MBP: variants seen among roughly 807,000 people sequenced by gnomAD.
MBP encodes Golli-MBP.
Under a neutral mutation model 35.8 loss-of-function variants are expected in MBP, and 16 were observed. The ratio of observed to expected loss-of-function variants is 0.45; its 90% CI spans 0.30 to 0.68. MBP has a LOEUF of 0.68. Ranked by LOEUF, MBP falls within the 30% of genes least tolerant of loss-of-function variation. MBP has a pLI of 0.08. For missense variants in MBP, 380 were observed against 404.7 expected (o/e 0.94, Z 0.52); for synonymous variants, 143 against 159.6 (o/e 0.90, Z 0.78).
Position 76,980,480 on chromosome 18 carries a change from G to A in MBP, c.871-9C>T, listed in dbSNP as rs371262081. 3.7e-6 allele frequency: 6 copies of A among 1,613,112 alleles called. No individual in the cohort carries two copies. In the African/African-American group the frequency reaches 6.7e-5, roughly 18 times the overall value. On this transcript the variant is annotated splice_polypyrimidine_tract_variant and intron_variant, in intron 8 of 8. Coordinates refer to ENST00000355994, the MANE Select transcript of MBP (RefSeq NM_001025101.2). ...CGACTATCTCTTCCTCCCTGAAAAG[G>A]AAGAGAGAGGAGTTAGGACGAGAGT...
At chr18:77,115,869 C>T (rs1445543199) in intron 1 of MBP, 1 of 152,188 alleles carries the variant, frequency 6.6e-6, no homozygotes, top group Non-Finnish European at 1.5e-5. Context: ...TTTCCAGAGC[C>T]TTCCAGGTTC....
rs968455309 is a variant in MBP at position 77,131,710 on chromosome 18, G to C, written c.-26+870C>G. On this transcript the variant is annotated intron_variant, in intron 1 of 8. Coordinates refer to ENST00000355994, the MANE Select transcript of MBP (RefSeq NM_001025101.2). This position sits in a 1 kb window ranked among gnomAD's most constrained non-coding sequence, Gnocchi z 5.5. ...CACAAGGCGCTGCCCCCAGCACCCCGGAAAATCTAGTGTGGCGGCAAATGA... is the reference window on the plus strand; with the variant it reads ...CACAAGGCGCTGCCCCCAGCACCCCCGAAAATCTAGTGTGGCGGCAAATGA... 6.6e-6 allele frequency: 1 copy of C among 151,874 alleles called. No homozygotes were observed. The highest frequency in any genetic ancestry group is 1.9e-4 in the East Asian group (1 of 5,172). The allele number at this position is 151,874 out of a possible 1,614,324, so 9.4% of individuals were successfully genotyped here.
intron 3 of MBP, among the ~76,000 whole-genome samples, chr18:77,039,294 G>T (rs1972891522): frequency 6.6e-6 from 1 of 152,130 alleles, no homozygotes; most frequent in Admixed American, 6.5e-5. Context: ...AACAGGCAGG[G>T]GTGACTAGTT....
chr18:77,009,698 C>T (rs1971219351), intron 4 of MBP: 6 of 677,988 alleles, frequency 8.8e-6, no homozygotes, highest in Non-Finnish European at 1.5e-5. Context: ...GGGAGGCCTG[C>T]CTCCCTGCTT....
At chr18:77,105,522 A>C (rs28471065) in intron 1 of MBP, among the ~76,000 whole-genome samples, 1 of 152,244 alleles carries the variant, frequency 6.6e-6, no homozygotes. Context: ...AATTCTGTTC[A>C]GTAACACACT....
At chr18:77,112,639 G>A (rs1469652146) in intron 1 of MBP, 1 of 152,412 alleles carries the variant, frequency 6.6e-6, no homozygotes, top group Non-Finnish European at 1.5e-5. Context: ...TGGAAGGCCG[G>A]GAGAGAGACG....
At chr18:76,997,724 C>T (rs1306278869) in intron 4 of MBP, among the ~76,000 whole-genome samples, 3 of 151,298 alleles carry the variant, frequency 2.0e-5, no homozygotes, top group Non-Finnish European at 4.4e-5. Flanking sequence ...ACTTTGTCCC[C>T]CAGGCTGGAG....
At chr18:77,100,759 T>C (rs960970340) in intron 2 of MBP, among the ~76,000 whole-genome samples, 13 of 152,010 alleles carry the variant, frequency 8.6e-5, no homozygotes, top group Non-Finnish European at 1.3e-4. Flanking sequence ...CACTTTGTTG[T>C]CCAGGCTGGT....
intron 1 of MBP, among the ~76,000 whole-genome samples, chr18:77,126,411 A>G (rs547668165): frequency 6.6e-6 from 1 of 152,234 alleles, no homozygotes; most frequent in African/African-American, 2.4e-5. Context: ...TTGATAAAGA[A>G]CATCCATAAA....
chr18:77,076,259 C>A (rs766461395), intron 2 of MBP, among the ~76,000 whole-genome samples: 5 of 152,230 alleles, frequency 3.3e-5, no homozygotes, highest in African/African-American at 4.8e-5. Flanking sequence ...GGGTTTGGCA[C>A]TATGCTGGCA....
chr18:76,980,592 A>G, intron 8 of MBP, 121 bp from the exon 9 acceptor site: 4 of 741,554 alleles, frequency 5.4e-6, no homozygotes, highest in Non-Finnish European at 7.2e-6. Context: ...ATCTGCTAAT[A>G]GAAATGGCAC....
intron 3 of MBP, among the ~76,000 whole-genome samples, chr18:77,042,945 A>T (rs531735771): frequency 6.6e-6 from 1 of 152,380 alleles, no homozygotes; most frequent in East Asian, 1.9e-4. Flanking sequence ...AATTAGTCAA[A>T]TGGGAAGAAA....
chr18:77,088,304 A>C (rs1014314066), intron 2 of MBP, among the ~76,000 whole-genome samples: 2 of 152,158 alleles, frequency 1.3e-5, no homozygotes, highest in African/African-American at 4.8e-5. Flanking sequence ...AGAAGGGGCG[A>C]GGGAACCCCC....
intron 3 of MBP, among the ~76,000 whole-genome samples, chr18:77,047,270 G>A (rs770727360): frequency 2.6e-5 from 4 of 152,230 alleles, no homozygotes; most frequent in Admixed American, 6.5e-5. Flanking sequence ...TGAACTGACG[G>A]TGATGTGCAC....
chr18:77,118,295 T>C (rs1020042002), intron 1 of MBP, among the ~76,000 whole-genome samples: 1 of 151,802 alleles, frequency 6.6e-6, no homozygotes, highest in African/African-American at 2.4e-5. Flanking sequence ...CTAGGGTGGA[T>C]TGGCCTCAGC....
At chr18:77,097,070 T>A (rs1975784036) in intron 2 of MBP, among the ~76,000 whole-genome samples, 1 of 151,878 alleles carries the variant, frequency 6.6e-6, no homozygotes, top group Non-Finnish European at 1.5e-5. Context: ...GGGTACAGGG[T>A]CCCCAGAGAC....
intron 2 of MBP, chr18:77,093,448 T>G (rs914370322): frequency 6.6e-6 from 1 of 152,264 alleles, no homozygotes; most frequent in African/African-American, 2.4e-5. Flanking sequence ...GAGGCTGCCC[T>G]TGTTTGCTAA....
At chr18:77,123,864 G>T (rs1199234498) in intron 1 of MBP, among the ~76,000 whole-genome samples, 1 of 152,216 alleles carries the variant, frequency 6.6e-6, no homozygotes, top group Non-Finnish European at 1.5e-5. Flanking sequence ...GGAGCTTTAG[G>T]TTTCTTAATC....
chr18:77,052,645 C>A (rs2144705600), intron 3 of MBP, among the ~76,000 whole-genome samples: 1 of 152,330 alleles, frequency 6.6e-6, no homozygotes, highest in South Asian at 2.1e-4. Context: ...TGTTTGTGCT[C>A]ACTGTATATC....
Sources: gnomAD v4.1 joint callset for allele counts (sites outside exome capture counted in the v4.1 genomes callset) on GRCh38, gnomAD v4.1.1 for gene constraint, Gnocchi (gnomAD v3.1) non-coding constraint, MANE v1.5 for transcripts, NCBI Gene and HGNC (gene_info 2026-07-23, HGNC 2026-07-21) for gene names.